The following PIGB variants were observed in gnomAD, a reference collection of about 807,000 sequenced individuals.
PIGB encodes the protein GPI alpha-1,2-mannosyltransferase 3.
Under a neutral mutation model 68.4 loss-of-function variants are expected in PIGB, and 58 were observed. The ratio of observed to expected loss-of-function variants is 0.85; its 90% CI spans 0.69 to 1.06. PIGB has a LOEUF of 1.06. Among genes scored for constraint, PIGB ranks in the 50% least tolerant of loss-of-function variants. PIGB has a pLI of 0.00. For synonymous variants in PIGB, 219 were observed against 220.5 expected, an observed-to-expected ratio of 0.99 and a Z score of 0.06; for missense variants, 634 against 655.8, an observed-to-expected ratio of 0.97 and a Z score of 0.36.
intron 6 of PIGB, among the ~76,000 whole-genome samples, chr15:55,338,246 T>G (rs2055581982): frequency 6.6e-6 from 1 of 152,194 alleles, no homozygotes; most frequent in Middle Eastern, 3.2e-3. Flanking sequence ...TTTATGTCTT[T>G]GTATAATCCC....
At position 55,319,224 on chromosome 15, in the gene PIGB, TC is replaced by T; in HGVS notation, c.-25del. ...GAGCAGCGCGCTACTGCAGCTTTCTTCCGCCTTAGGAAGGTGGCGGCCAGGG... is the reference window on the plus strand; with the variant it reads ...GAGCAGCGCGCTACTGCAGCTTTCTTCGCCTTAGGAAGGTGGCGGCCAGGG... On this transcript the variant is annotated 5_prime_UTR_variant, in exon 1 of 12. Coordinates refer to ENST00000164305, the MANE Select transcript of PIGB (RefSeq NM_004855.5). 1 of 1,587,054 alleles carries T rather than the reference TC, an allele frequency of 6.3e-7. No individual in the cohort carries two copies. Among genetic ancestry groups the T allele is most frequent in the Non-Finnish European group, 8.6e-7 (1 of 1,166,716 alleles).
chr15:55,329,136 G>A (rs1375420136), intron 4 of PIGB, among the ~76,000 whole-genome samples: 1 of 152,128 alleles, frequency 6.6e-6, no homozygotes, highest in Non-Finnish European at 1.5e-5. Context: ...AGACTTAATG[G>A]TGCTCTGTGT....
intron 6 of PIGB, among the ~76,000 whole-genome samples, chr15:55,336,202 T>C (rs1441851683): frequency 6.6e-6 from 1 of 152,070 alleles, no homozygotes; most frequent in African/African-American, 2.4e-5. Context: ...AGCAACATAA[T>C]GAGACCCCAT....
rs1229912616 is a variant in PIGB at position 55,319,343 on chromosome 15, G to A, written c.93G>A (p.Lys31=). ...GTCTCCAGAACCGCTCCCACGGCAA[G>A]ATAAAGCTGCGAAAGAGAAAGTCTA... The part of the protein sequence containing the change: ...LHGLQNRSHG[K]IKLRKRKSTL... The change falls in exon 1 of 12, where the codon AAG becomes AAA. Residue 31 remains lysine (K), a synonymous_variant. Transcript: ENST00000164305. 6.3e-7 allele frequency: 1 copy of A among 1,575,972 alleles called. No individual in the cohort carries two copies. Among genetic ancestry groups the A allele is most frequent in the Non-Finnish European group, 8.6e-7 (1 of 1,160,208 alleles).
intron 10 of PIGB, among the ~76,000 whole-genome samples, chr15:55,354,000 A>AAAATAAAAATAAAAAAT (rs796992138): frequency 1.8e-5 from 2 of 112,418 alleles, no homozygotes; most frequent in African/African-American, 9.4e-5. Context: ...ATCTTAAATA[A>AAAATAAAAATAAAAAAT]AAAAAAAAAA....
chr15:55,353,358 C>G (rs2247458), intron 10 of PIGB, among the ~76,000 whole-genome samples: 3,036 of 152,304 alleles, frequency 0.02, 95 homozygotes, highest in African/African-American at 0.069. Context: ...CCCTTTGAAA[C>G]AAGACCTTCA....
chr15:55,327,273 G>A (rs1167480863), intron 3 of PIGB, among the ~76,000 whole-genome samples: 1 of 147,768 alleles, frequency 6.8e-6, no homozygotes, highest in African/African-American at 2.5e-5. Context: ...GTGTATATAT[G>A]TCATATATAC....
At chr15:55,339,345 G>A in intron 7 of PIGB, 27 bp downstream of exon 7, 1 of 1,406,910 alleles carries the variant, frequency 7.1e-7, no homozygotes, top group Non-Finnish European at 9.8e-7. Flanking sequence ...TAAGCTAACA[G>A]CTATTTTTAT....
chr15:55,355,029 G>C lies in PIGB; in HGVS notation c.1518+51G>C, dbSNP rs8039224. 0.11 allele frequency: 152,482 copies of C among 1,449,364 alleles called. 12,701 individuals are homozygous for C. The highest frequency in any genetic ancestry group is 0.44 in the African/African-American group (31,014 of 70,554). 89.8% of individuals were successfully genotyped at this position (1,449,364 alleles called of 1,614,324 possible). ...ACTCAGTATTTTAATTTTACCCCAG[G>C]TTTAGGAAACCCTCAGGTAAATAGA... On this transcript the variant is annotated intron_variant, in intron 11 of 11. Transcript: ENST00000164305.
At chr15:55,340,985 G>A (rs977782513) in intron 8 of PIGB, among the ~76,000 whole-genome samples, 162 bp downstream of exon 8, 3 of 151,872 alleles carry the variant, frequency 2.0e-5, no homozygotes, top group African/African-American at 7.3e-5. Flanking sequence ...AGGCACTAGA[G>A]TGAATACTTT....
At chr15:55,339,369 A>G (rs2055611333) in intron 7 of PIGB, 51 bp downstream of exon 7, 2 of 1,180,942 alleles carry the variant, frequency 1.7e-6, no homozygotes, top group African/African-American at 1.5e-5. Context: ...TAATCCATTA[A>G]TACTTTAGAA....
At chr15:55,339,173 G>C (rs979000839) in intron 6 of PIGB, 94 bp from the exon 7 acceptor site, 5 of 797,572 alleles carry the variant, frequency 6.3e-6, no homozygotes, top group Non-Finnish European at 1.0e-5. Context: ...TTTTTATAGT[G>C]GCTTTTGATG....
In PIGB at chr15:55,320,927, G is replaced by A. The variant is rs562129616; in HGVS notation, c.300-346G>A. ...TTATGTTAATATACTTGACACAGCC[G>A]TTAGCATACATTCCCACAGTACTTA... On this transcript the variant is annotated intron_variant, in intron 2 of 11. Coordinates refer to ENST00000164305, the MANE Select transcript of PIGB (RefSeq NM_004855.5). Among the ~76,000 whole-genome samples, 42 of 152,134 alleles carry A rather than the reference G, an allele frequency of 2.8e-4. No individual in the cohort carries two copies. The South Asian group carries it at 5.6e-3, about 20-fold the overall frequency.
chr15:55,336,581 A>C (rs1256478307), intron 6 of PIGB, among the ~76,000 whole-genome samples: 1 of 152,246 alleles, frequency 6.6e-6, no homozygotes, highest in African/African-American at 2.4e-5. Flanking sequence ...AATTCATTGA[A>C]TACTGTACTG....
chr15:55,348,363 A>G (rs2055849667), intron 9 of PIGB: 1 of 152,144 alleles, frequency 6.6e-6, no homozygotes, highest in African/African-American at 2.4e-5. Context: ...TTGAGAACAA[A>G]CTGTATCTTC....
At chr15:55,340,484 T>G (rs937357581) in intron 7 of PIGB, 128 bp from the exon 8 acceptor site, 1 of 551,330 alleles carries the variant, frequency 1.8e-6, no homozygotes, top group Non-Finnish European at 3.1e-6. Context: ...AAATTATTAA[T>G]GTAAACTATT....
intron 5 of PIGB, among the ~76,000 whole-genome samples, chr15:55,332,671 C>G (rs1287196383): frequency 6.6e-6 from 1 of 152,178 alleles, no homozygotes; most frequent in Non-Finnish European, 1.5e-5. Context: ...CCACACCTGG[C>G]CTACAGATTT....
chr15:55,344,458 C>T (rs1207774386), intron 9 of PIGB, among the ~76,000 whole-genome samples: 2 of 152,254 alleles, frequency 1.3e-5, no homozygotes, highest in Non-Finnish European at 2.9e-5. Flanking sequence ...CCACCACATT[C>T]TTTTCATGAA....
At chr15:55,344,896 T>G (rs2055755724) in intron 9 of PIGB, among the ~76,000 whole-genome samples, 1 of 140,960 alleles carries the variant, frequency 7.1e-6, no homozygotes, top group South Asian at 2.3e-4. Context: ...TTATCTTTTT[T>G]TTTTTTTTTT....
Sources: allele counts gnomAD v4.1 joint callset (sites outside exome capture counted in the v4.1 genomes callset), GRCh38; gene constraint gnomAD v4.1.1; transcripts MANE v1.5; gene names NCBI Gene and HGNC (gene_info 2026-07-23, HGNC 2026-07-21).